PPFIA2: variants seen among roughly 807,000 people sequenced by gnomAD.
PPFIA2 encodes PPFI scaffold protein A2, also known as liprin-alpha-2.
PPFIA2 carries 46 observed loss-of-function variants against 175.5 expected under a neutral mutation model. The ratio of observed to expected loss-of-function variants is 0.26; its 90% CI spans 0.21 to 0.34. PPFIA2 has a LOEUF of 0.34. Among genes scored for constraint, PPFIA2 ranks in the 10% least tolerant of loss-of-function variants. The probability of loss-of-function intolerance (pLI) is 1.00; values close to 1 mark genes in which losing one functional copy is unlikely to be tolerated. For missense variants in PPFIA2, 1,179 were observed against 1,506.1 expected, an observed-to-expected ratio of 0.78 and a Z score of 3.60; for synonymous variants, 568 against 511.4, an observed-to-expected ratio of 1.11 and a Z score of -1.49.
At chr12:81,425,849 A>C (rs1199175279) in intron 7 of PPFIA2, among the ~76,000 whole-genome samples, 1 of 152,162 alleles carries the variant, frequency 6.6e-6, no homozygotes, top group African/African-American at 2.4e-5. Flanking sequence ...CTTTATCAAC[A>C]TGTTATTAAT....
chr12:81,673,897 CTG>C (rs2071929382), intron 4 of PPFIA2, among the ~76,000 whole-genome samples: 1 of 151,862 alleles, frequency 6.6e-6, no homozygotes. Flanking sequence ...AACATTAAAA[CTG>C]AGAATTTTCA....
intron 6 of PPFIA2, among the ~76,000 whole-genome samples, chr12:81,442,695 TTAA>T (rs1282126556): frequency 6.7e-5 from 10 of 150,290 alleles, no homozygotes; most frequent in Admixed American, 6.6e-5. Flanking sequence ...TAATTGGACA[TTAA>T]TGATGAAAAT....
At chr12:81,700,455 C>T (rs541634072) in intron 3 of PPFIA2, among the ~76,000 whole-genome samples, 24 of 151,948 alleles carry the variant, frequency 1.6e-4, no homozygotes, top group Non-Finnish European at 3.2e-4. Flanking sequence ...TCATAACATG[C>T]AGAAAATTAA....
rs1004751558 is a variant in PPFIA2 at position 81,524,787 on chromosome 12, T to C, written c.304-66921A>G. The stretch of plus-strand genomic sequence containing the variant: ...GGGGCAGAATGAAATGGTCTAAATA[T>C]ATCCCCTTAAAATTCATATGTTCAA... On this transcript the variant is annotated intron_variant, in intron 4 of 32. Coordinates refer to ENST00000549396, the MANE Select transcript of PPFIA2 (RefSeq NM_003625.5). Among the ~76,000 whole-genome samples the C allele has an allele frequency of 5.3e-5, 8 of 152,202 alleles. No individual in the cohort carries two copies. The East Asian group carries it at 1.5e-3, about 29-fold the overall frequency.
At chr12:81,475,226 G>T (rs566444395) in intron 4 of PPFIA2, among the ~76,000 whole-genome samples, 1 of 151,902 alleles carries the variant, frequency 6.6e-6, no homozygotes, top group South Asian at 2.1e-4. Flanking sequence ...CCTTACATAG[G>T]GCCTGAAATA....
At chr12:81,744,800 A>T (rs971929948) in intron 3 of PPFIA2, among the ~76,000 whole-genome samples, 3 of 152,182 alleles carry the variant, frequency 2.0e-5, no homozygotes, top group African/African-American at 4.8e-5. Context: ...TTTAATCTAG[A>T]TGAACATAAC....
intron 28 of PPFIA2, among the ~76,000 whole-genome samples, chr12:81,268,759 T>TA (rs2038196448): frequency 6.6e-6 from 1 of 152,220 alleles, no homozygotes; most frequent in Admixed American, 6.5e-5. Context: ...TGTGTCTTGA[T>TA]ACACACCTCT....
intron 3 of PPFIA2, among the ~76,000 whole-genome samples, chr12:81,710,025 T>A (rs2077688086): frequency 6.6e-6 from 1 of 152,044 alleles, no homozygotes; most frequent in Non-Finnish European, 1.5e-5. Context: ...ATATAATTTC[T>A]TTTTTAATAA....
intron 4 of PPFIA2, among the ~76,000 whole-genome samples, chr12:81,534,552 C>A (rs2065106709): frequency 6.6e-6 from 1 of 151,546 alleles, no homozygotes; most frequent in Non-Finnish European, 1.5e-5. Flanking sequence ...ACTTTTCATT[C>A]TTTTAAAAAA....
chr12:81,634,869 TG>T (rs1340467864), intron 4 of PPFIA2, among the ~76,000 whole-genome samples: 2 of 152,052 alleles, frequency 1.3e-5, no homozygotes, highest in East Asian at 3.8e-4. Flanking sequence ...GTATGGGTAA[TG>T]TGTCCTTTAA....
chr12:81,662,305 A>G (rs570500613), intron 4 of PPFIA2, among the ~76,000 whole-genome samples: 1 of 152,312 alleles, frequency 6.6e-6, no homozygotes, highest in South Asian at 2.1e-4. Flanking sequence ...GACCACTAGC[A>G]AGACTAATAA....
intron 2 of PPFIA2, among the ~76,000 whole-genome samples, chr12:81,757,161 G>GAT (rs1485874317): frequency 1.3e-5 from 2 of 152,096 alleles, no homozygotes; most frequent in African/African-American, 4.8e-5. Context: ...AGCAATTAAA[G>GAT]ATATATATTC....
rs12317818 is a variant in PPFIA2, at chr12:81,286,882, A to G, written c.2926-2579T>C. On this transcript the variant is annotated intron_variant, in intron 24 of 32. Coordinates refer to ENST00000549396, the MANE Select transcript of PPFIA2 (RefSeq NM_003625.5). ...CTGTGTACACCTATTAAATAAATTT[A>G]GAATATAAAAGTCATTTATGTCCTT... 1.6e-3 allele frequency among the ~76,000 whole-genome samples: 249 copies of G among 152,174 alleles called. 3 individuals carry two copies. Among genetic ancestry groups the G allele is most frequent in the African/African-American group, 5.6e-3 (232 of 41,558 alleles).
At chr12:81,363,264 AT>A (rs1002128061) in intron 14 of PPFIA2, among the ~76,000 whole-genome samples, 19 of 151,082 alleles carry the variant, frequency 1.3e-4, no homozygotes, top group African/African-American at 4.1e-4. Flanking sequence ...CAATTGGAGG[AT>A]TTTTTTAAAA....
intron 3 of PPFIA2, among the ~76,000 whole-genome samples, chr12:81,698,163 A>G (rs1281630979): frequency 3.9e-5 from 6 of 152,262 alleles, no homozygotes; most frequent in Middle Eastern, 6.8e-3. Context: ...TTTCTAAGAA[A>G]GAAGATTTAT....
At chr12:81,417,409 C>G (rs1050216127) in intron 7 of PPFIA2, 2 of 150,904 alleles carry the variant, frequency 1.3e-5, no homozygotes, top group African/African-American at 4.9e-5. Flanking sequence ...AGGCTGTGTC[C>G]TAGATCTATT....
chr12:81,408,817 AAAT>A (rs2043386076), intron 7 of PPFIA2, among the ~76,000 whole-genome samples: 1 of 152,230 alleles, frequency 6.6e-6, no homozygotes, highest in Non-Finnish European at 1.5e-5. Flanking sequence ...ACAGAAGAAC[AAAT>A]GTGACATATT....
intron 24 of PPFIA2, among the ~76,000 whole-genome samples, chr12:81,287,363 T>C (rs2043716419): frequency 6.6e-6 from 1 of 151,968 alleles, no homozygotes; most frequent in Non-Finnish European, 1.5e-5. Context: ...TAAGTCTGTG[T>C]CTGCCAGTCT....
At chr12:81,655,509 CA>C (rs1032061684) in intron 4 of PPFIA2, among the ~76,000 whole-genome samples, 2 of 151,808 alleles carry the variant, frequency 1.3e-5, no homozygotes, top group Admixed American at 6.6e-5. Flanking sequence ...CAAAATGAAT[CA>C]AAAAAATTCT....
Sources: gnomAD v4.1 joint callset for allele counts (sites outside exome capture counted in the v4.1 genomes callset) on GRCh38, gnomAD v4.1.1 for gene constraint, MANE v1.5 for transcripts, NCBI Gene and HGNC (gene_info 2026-07-23, HGNC 2026-07-21) for gene names.